Variants in ARID5B observed in about 807,000 individuals in gnomAD.
ARID5B encodes AT-rich interaction domain 5B.
In ARID5B, 13 loss-of-function variants were observed where a neutral mutation model predicts 97.2. That is an observed-to-expected ratio of 0.13 (90% CI 0.09 to 0.21). ARID5B has a LOEUF of 0.21. ARID5B is among the 10% of genes least tolerant of loss of function. The probability of loss-of-function intolerance (pLI) is 1.00; values close to 1 mark genes in which losing one functional copy is unlikely to be tolerated. For missense variants in ARID5B, 1,210 were observed against 1,465.3 expected (o/e 0.83, Z 2.84); for synonymous variants, 556 against 570.3 (o/e 0.97, Z 0.36).
chr10:61,999,653 G>A lies in ARID5B; in HGVS notation c.503-438G>A, dbSNP rs76209253. Among the ~76,000 whole-genome samples the A allele has an allele frequency of 8.0e-4, 122 of 152,282 alleles. 1 individual carries two copies. The East Asian group carries it at 0.023, about 28-fold the overall frequency. ...TGTTGCTTTTGTACGTGGAACCATCGTTCAGTTGAGGATCATCTGTATAAT... is the reference window on the plus strand; with the variant it reads ...TGTTGCTTTTGTACGTGGAACCATCATTCAGTTGAGGATCATCTGTATAAT... On this transcript the variant is annotated intron_variant, in intron 3 of 9. Coordinates refer to ENST00000279873, the MANE Select transcript of ARID5B (RefSeq NM_032199.3).
rs148882268 is a variant in ARID5B, at chr10:61,929,018, T to C, written c.277-11165T>C. On this transcript the variant is annotated intron_variant, in intron 2 of 9. Transcript: ENST00000279873. Reference sequence around the variant, plus strand: ...TCTTCCCCCTACCCGTCTCCATTGGTGCACACCAGAGGCACATGCACCTGC... The same window carrying C: ...TCTTCCCCCTACCCGTCTCCATTGGCGCACACCAGAGGCACATGCACCTGC... Among the ~76,000 whole-genome samples the C allele has an allele frequency of 9.3e-3, 1,422 of 152,236 alleles. 30 individuals are homozygous for C. Among genetic ancestry groups the C allele is most frequent in the African/African-American group, 0.032 (1,340 of 41,532 alleles).
At position 61,924,500 on chromosome 10, in the gene ARID5B, C is replaced by T. The variant is rs188820898; in HGVS notation, c.277-15683C>T. Among the ~76,000 whole-genome samples, 14 of 152,306 alleles carry T rather than the reference C, an allele frequency of 9.2e-5. No individual in the cohort carries two copies. The East Asian group carries it at 2.5e-3, about 27-fold the overall frequency. ...TAAGTAATCCAATATAGGATAATTA[C>T]ATTATTAAATAAAGCTATGGGTCTC... is the stretch of plus-strand genomic sequence containing the variant. On this transcript the variant is annotated intron_variant, in intron 2 of 9. Coordinates refer to ENST00000279873, the MANE Select transcript of ARID5B (RefSeq NM_032199.3).
rs914402279 is a variant in ARID5B at position 62,095,560 on chromosome 10, T to C, written c.*2530T>C. 2 of 233,518 alleles carry C rather than the reference T, an allele frequency of 8.6e-6. No homozygotes were observed. Among genetic ancestry groups the C allele is most frequent in the Non-Finnish European group, 1.7e-5 (2 of 117,992 alleles). 14.5% of individuals were successfully genotyped at this position (233,518 alleles called of 1,614,324 possible). A position where few individuals can be genotyped will look rare whatever the true frequency, so the allele number is the denominator to read the frequency against. On this transcript the variant is annotated 3_prime_UTR_variant, in exon 10 of 10. Coordinates refer to ENST00000279873, the MANE Select transcript of ARID5B (RefSeq NM_032199.3). Reference sequence around the variant, plus strand: ...TCATCTCTTCTGAGAGGAGACTCACTGTTTCTGTCTGAGGAAGCTCATACC... The same window carrying C: ...TCATCTCTTCTGAGAGGAGACTCACCGTTTCTGTCTGAGGAAGCTCATACC...
intron 4 of ARID5B, among the ~76,000 whole-genome samples, chr10:62,011,860 T>C (rs1456348035): frequency 6.6e-6 from 1 of 152,154 alleles, no homozygotes; most frequent in Non-Finnish European, 1.5e-5. Context: ...TTGCTCTTAA[T>C]GCCATCCCCC....
chr10:61,946,708 G>A (rs963889752), intron 3 of ARID5B, among the ~76,000 whole-genome samples: 1 of 152,156 alleles, frequency 6.6e-6, no homozygotes, highest in Non-Finnish European at 1.5e-5. Context: ...GGATCACAAG[G>A]TCAGGAGTTC....
intron 2 of ARID5B, among the ~76,000 whole-genome samples, chr10:61,916,268 G>C (rs774789881): frequency 1.3e-5 from 2 of 152,232 alleles, no homozygotes; most frequent in Admixed American, 6.5e-5. Context: ...TGTTGGCCAG[G>C]CTGGACTACC....
chr10:61,914,213 C>A (rs1259451247), intron 2 of ARID5B, among the ~76,000 whole-genome samples: 1 of 152,162 alleles, frequency 6.6e-6, no homozygotes, highest in Non-Finnish European at 1.5e-5. Context: ...AAAAGCTTCG[C>A]CAAAAGTTGG....
intron 4 of ARID5B, among the ~76,000 whole-genome samples, chr10:62,016,076 A>G (rs1481196681): frequency 2.0e-5 from 3 of 152,194 alleles, no homozygotes; most frequent in African/African-American, 7.2e-5. Flanking sequence ...CCATCACTGT[A>G]CGTAGCTGGC....
intron 4 of ARID5B, among the ~76,000 whole-genome samples, chr10:62,033,130 G>A (rs1371364573): frequency 6.6e-6 from 1 of 152,194 alleles, no homozygotes; most frequent in Non-Finnish European, 1.5e-5. Flanking sequence ...GCTGAGGCTT[G>A]TGTATGGTGA....
chr10:62,091,901 T>G lies in ARID5B; in HGVS notation c.2438T>G (p.Leu813Arg). ...GAAATTCAGGAGGGCAAGGATAAACTCTTAGAGAAAAGGGCCCTCCCCCAT... is the reference window on the plus strand; with the variant it reads ...GAAATTCAGGAGGGCAAGGATAAACGCTTAGAGAAAAGGGCCCTCCCCCAT... ...KQEIQEGKDK[L>R]LEKRALPHSH... is the part of the protein sequence containing the mutation. The change falls in exon 10 of 10, where the codon CTC becomes CGC. Residue 813 changes from leucine (L) to arginine (R), a missense_variant. Leu to Arg is a moderately radical substitution (Grantham distance 102, BLOSUM62 -2). Transcript: ENST00000279873. 1 of 1,613,958 alleles carries G rather than the reference T, an allele frequency of 6.2e-7. No homozygotes were observed. Among genetic ancestry groups the G allele is most frequent in the Non-Finnish European group, 8.5e-7 (1 of 1,179,998 alleles).
chr10:61,987,500 C>T (rs1167083711), intron 3 of ARID5B, among the ~76,000 whole-genome samples: 1 of 152,068 alleles, frequency 6.6e-6, no homozygotes, highest in Non-Finnish European at 1.5e-5. Flanking sequence ...AGCTGATATT[C>T]GTGATCCAAA....
chr10:62,055,049 A>G (rs1418556967), intron 5 of ARID5B, among the ~76,000 whole-genome samples: 2 of 152,172 alleles, frequency 1.3e-5, no homozygotes, highest in Admixed American at 6.5e-5. Context: ...TCAATATACA[A>G]TAGGAGGAAT....
chr10:61,923,827 T>C (rs1414483712), intron 2 of ARID5B, among the ~76,000 whole-genome samples: 2 of 152,254 alleles, frequency 1.3e-5, no homozygotes, highest in African/African-American at 4.8e-5. Flanking sequence ...TTATCCATCC[T>C]TATCTCTGTA....
chr10:62,006,146 G>A (rs1839143369), intron 4 of ARID5B, among the ~76,000 whole-genome samples: 1 of 152,162 alleles, frequency 6.6e-6, no homozygotes, highest in Non-Finnish European at 1.5e-5. Flanking sequence ...TATCATTAAA[G>A]AATGGTCTAA....
At chr10:62,038,815 C>T (rs1430551427) in intron 4 of ARID5B, among the ~76,000 whole-genome samples, 2 of 152,234 alleles carry the variant, frequency 1.3e-5, no homozygotes, top group South Asian at 2.1e-4. Flanking sequence ...GTCGTCCCAC[C>T]GCATCCCATC....
At chr10:61,959,590 G>C (rs1692798134) in intron 3 of ARID5B, among the ~76,000 whole-genome samples, 1 of 152,174 alleles carries the variant, frequency 6.6e-6, no homozygotes, top group African/African-American at 2.4e-5. Flanking sequence ...TCTGCATGCA[G>C]AATTTTATAT....
chr10:62,074,771 T>C (rs1840106232), intron 8 of ARID5B, among the ~76,000 whole-genome samples: 1 of 152,236 alleles, frequency 6.6e-6, no homozygotes, highest in Non-Finnish European at 1.5e-5. Context: ...AGCAACTCCC[T>C]AGACCAGTGC....
At chr10:61,933,538 G>T (rs1302710507) in intron 2 of ARID5B, among the ~76,000 whole-genome samples, 1 of 152,202 alleles carries the variant, frequency 6.6e-6, no homozygotes, top group African/African-American at 2.4e-5. Flanking sequence ...GTAAGTCAAA[G>T]TTACTCCTTG....
At chr10:62,074,046 C>T (rs1490679702) in intron 8 of ARID5B, among the ~76,000 whole-genome samples, 2 of 152,120 alleles carry the variant, frequency 1.3e-5, no homozygotes, top group Non-Finnish European at 2.9e-5. Flanking sequence ...ATGCAGATTT[C>T]CCTTTTTAAA....
Sources: gnomAD v4.1 joint callset for allele counts (sites outside exome capture counted in the v4.1 genomes callset) on GRCh38, gnomAD v4.1.1 for gene constraint, MANE v1.5 for transcripts, NCBI Gene and HGNC (gene_info 2026-07-23, HGNC 2026-07-21) for gene names.